Variants in TMEM38B observed in about 807,000 individuals in gnomAD.
TMEM38B encodes transmembrane protein 38B.
In TMEM38B, 24 loss-of-function variants were observed where a neutral mutation model predicts 28.7. That is an observed-to-expected ratio of 0.84 (90% CI 0.61 to 1.18). TMEM38B has a LOEUF of 1.18. Ranked by LOEUF, TMEM38B falls within the 50% of genes most tolerant of loss-of-function variation. TMEM38B has a pLI of 0.00. For missense variants in TMEM38B, 380 were observed against 350.9 expected (o/e 1.08, Z -0.66); for synonymous variants, 131 against 127.7 (o/e 1.03, Z -0.17).
At chr9:105,737,245 G>A (rs1348064102) in intron 4 of TMEM38B, among the ~76,000 whole-genome samples, 2 of 152,124 alleles carry the variant, frequency 1.3e-5, no homozygotes, top group South Asian at 4.1e-4. Context: ...GTTCCCATGG[G>A]GCAGGGATGT....
At chr9:105,749,103 G>A (rs1307412758) in intron 5 of TMEM38B, 2 of 1,303,410 alleles carry the variant, frequency 1.5e-6, no homozygotes, top group South Asian at 2.5e-5. Flanking sequence ...ATCTGTGGCT[G>A]TAATTCAGGT....
In TMEM38B at chr9:105,705,625, T is replaced by C. The variant is rs997338938; in HGVS notation, c.141T>C (p.Pro47=). The part of the protein sequence containing the change: ...PGAAALAWKN[P]ISSWFTAMLH... ...CAGCTGCATTGGCATGGAAGAATCC[T>C]ATTTCAAGCTGGTTTACTGCTATGC... Residue 47 remains proline (P), a synonymous_variant, in exon 2 of 6, where the codon CCT becomes CCC. Coordinates refer to ENST00000374692, the MANE Select transcript of TMEM38B (RefSeq NM_018112.3). 3 of 1,613,924 alleles carry C rather than the reference T, an allele frequency of 1.9e-6. No homozygotes were observed. The African/African-American group carries it at 4.0e-5, about 22-fold the overall frequency.
chr9:105,766,612 T>C (rs1486236873), intron 5 of TMEM38B, among the ~76,000 whole-genome samples: 1 of 152,158 alleles, frequency 6.6e-6, no homozygotes, highest in Non-Finnish European at 1.5e-5. Flanking sequence ...TGATGAAGTT[T>C]ACTTTACTAG....
At chr9:105,760,812 GAATGTAGCT>G in intron 5 of TMEM38B, 4 of 746,732 alleles carry the variant, frequency 5.4e-6, no homozygotes, top group Non-Finnish European at 6.4e-6. Context: ...CCATATCTGA[GAATGTAGCT>G]AATCAAAAGG....
chr9:105,757,297 TTATC>T (rs1261449088), intron 5 of TMEM38B, among the ~76,000 whole-genome samples: 78 of 152,372 alleles, frequency 5.1e-4, no homozygotes, highest in African/African-American at 1.7e-3. Flanking sequence ...CACATTTTCT[TTATC>T]TACTTGTTGG....
intron 5 of TMEM38B, among the ~76,000 whole-genome samples, chr9:105,762,853 A>C (rs1838114358): frequency 1.4e-5 from 2 of 147,648 alleles, no homozygotes; most frequent in African/African-American, 5.1e-5. Context: ...ACAATGGTTG[A>C]ACTAGTTTAC....
intron 5 of TMEM38B, chr9:105,759,141 C>G (rs1287196315): frequency 3.9e-6 from 3 of 777,072 alleles, no homozygotes; most frequent in Non-Finnish European, 7.2e-6. Context: ...TGGATTTGAA[C>G]AAGATATATT....
At chr9:105,734,748 A>G (rs1166701744) in intron 4 of TMEM38B, among the ~76,000 whole-genome samples, 3 of 151,368 alleles carry the variant, frequency 2.0e-5, no homozygotes, top group African/African-American at 7.3e-5. Flanking sequence ...ACGTATACCC[A>G]CCTCTGCTCT....
intron 4 of TMEM38B, among the ~76,000 whole-genome samples, chr9:105,745,002 G>A (rs1490922671): frequency 6.6e-6 from 1 of 152,160 alleles, no homozygotes; most frequent in African/African-American, 2.4e-5. Flanking sequence ...GGATATTTGG[G>A]TTGGTTCCAA....
chr9:105,731,322 A>G (rs1342077901), intron 4 of TMEM38B, among the ~76,000 whole-genome samples: 1 of 145,354 alleles, frequency 6.9e-6, no homozygotes, highest in Non-Finnish European at 1.5e-5. Context: ...TATTATTATT[A>G]TACTTTAAGT....
At chr9:105,739,282 A>AGT (rs1044532823) in intron 4 of TMEM38B, among the ~76,000 whole-genome samples, 1 of 148,742 alleles carries the variant, frequency 6.7e-6, no homozygotes, top group Non-Finnish European at 1.5e-5. Context: ...CAAATTAGGC[A>AGT]GTGTGTGTCC....
chr9:105,695,784 GA>G lies in TMEM38B; in HGVS notation c.112+1015del, dbSNP rs147231325. 9.0e-3 allele frequency among the ~76,000 whole-genome samples: 1,364 copies of G among 152,286 alleles called. 33 individuals are homozygous for G. Among genetic ancestry groups the G allele is most frequent in the African/African-American group, 0.031 (1,268 of 41,564 alleles). On this transcript the variant is annotated intron_variant, in intron 1 of 5. Transcript: ENST00000374692. ...GGTTTTAAAAAATCCTTAGACCTCA[GA>G]AATATTTTTCATTTATGTTGAAGTT...
intron 1 of TMEM38B, 89 bp from the exon 2 acceptor site, chr9:105,705,508 A>C: frequency 8.1e-7 from 1 of 1,234,690 alleles, no homozygotes; most frequent in Middle Eastern, 2.7e-4. Flanking sequence ...TGAATTTAAG[A>C]AGTTTATTTG....
At chr9:105,757,250 T>C (rs1287794871) in intron 5 of TMEM38B, among the ~76,000 whole-genome samples, 1 of 152,254 alleles carries the variant, frequency 6.6e-6, no homozygotes, top group African/African-American at 2.4e-5. Context: ...TTTTGTTCCT[T>C]TTTATGGCTG....
At chr9:105,721,019 T>C (rs1836298443) in intron 2 of TMEM38B, among the ~76,000 whole-genome samples, 1 of 152,182 alleles carries the variant, frequency 6.6e-6, no homozygotes, top group African/African-American at 2.4e-5. Context: ...TCTGCCTCCT[T>C]GTGAGCCGTC....
At chr9:105,701,618 A>G (rs1306305864) in intron 1 of TMEM38B, 1 of 152,246 alleles carries the variant, frequency 6.6e-6, no homozygotes, top group Non-Finnish European at 1.5e-5. Context: ...TCCAAGATCC[A>G]TCTGTCTTAT....
chr9:105,751,377 G>C (rs1049200701), intron 5 of TMEM38B, among the ~76,000 whole-genome samples: 2 of 152,126 alleles, frequency 1.3e-5, no homozygotes, highest in Non-Finnish European at 2.9e-5. Flanking sequence ...TTTGCGACCC[G>C]TAGATCAGGA....
intron 5 of TMEM38B, among the ~76,000 whole-genome samples, chr9:105,772,031 T>C (rs1163667194): frequency 3.9e-5 from 6 of 152,256 alleles, no homozygotes; most frequent in Admixed American, 2.0e-4. Context: ...TGTATTGTAC[T>C]TCAGTTTGCC....
intron 4 of TMEM38B, among the ~76,000 whole-genome samples, chr9:105,731,456 T>C (rs1836745154): frequency 6.6e-6 from 1 of 152,004 alleles, no homozygotes; most frequent in African/African-American, 2.4e-5. Context: ...CCCTTCCCCC[T>C]CCCTCTCACC....
Sources: allele counts gnomAD v4.1 joint callset (sites outside exome capture counted in the v4.1 genomes callset), GRCh38; gene constraint gnomAD v4.1.1; transcripts MANE v1.5; gene names NCBI Gene and HGNC (gene_info 2026-07-23, HGNC 2026-07-21).